The following TP53I3 variants were observed in gnomAD, a reference collection of about 807,000 sequenced individuals.
The protein encoded by TP53I3 is quinone oxidoreductase PIG3.
TP53I3 carries 32 observed loss-of-function variants against 27.7 expected under a neutral mutation model. That is an observed-to-expected ratio of 1.16 (90% CI 0.87 to 1.55). TP53I3 has a LOEUF of 1.55. Ranked by LOEUF, TP53I3 falls within the 40% of genes most tolerant of loss-of-function variation. The probability of loss-of-function intolerance (pLI) is 0.00; values close to 1 mark genes in which losing one functional copy is unlikely to be tolerated. For synonymous variants in TP53I3, 138 were observed against 167.8 expected (o/e 0.82, Z 1.37); for missense variants, 372 against 412.3 (o/e 0.90, Z 0.85).
At chr2:24,082,657 G>A (rs1313069500) in intron 2 of TP53I3, among the ~76,000 whole-genome samples, 2 of 152,088 alleles carry the variant, frequency 1.3e-5, no homozygotes, top group Non-Finnish European at 2.9e-5. Context: ...TGGGCGTCCG[G>A]TGTTAACATG....
At position 24,082,886 on chromosome 2, in the gene TP53I3, C is replaced by A; in HGVS notation, c.405G>T (p.Val135=). Reference sequence around the variant, plus strand: ...GAGTGAGCATGGAGGCCTCCTCACCCACAAGATGTAACAGCTGGAAGGCGG... The same window carrying A: ...GAGTGAGCATGGAGGCCTCCTCACCAACAAGATGTAACAGCTGGAAGGCGG... ...WLTAFQLLHL[V]GNVQAGDYVL... The change falls in exon 2 of 5, where the codon GTG becomes GTT. Residue 135 remains valine (V), a splice_region_variant and synonymous_variant. Coordinates refer to ENST00000238721, the MANE Select transcript of TP53I3 (RefSeq NM_004881.5). The A allele has an allele frequency of 6.2e-7, 1 of 1,602,570 alleles. No homozygotes were observed. Among genetic ancestry groups the A allele is most frequent in the South Asian group, 1.1e-5 (1 of 90,426 alleles).
chr2:24,078,581 A>AG, intron 4 of TP53I3, among the ~76,000 whole-genome samples: 1 of 152,254 alleles, frequency 6.6e-6, no homozygotes, highest in East Asian at 1.9e-4. Context: ...ATAGGAGCTA[A>AG]AGGGGGGTTA....
At chr2:24,078,426 G>A (rs1383157410) in intron 4 of TP53I3, among the ~76,000 whole-genome samples, 1 of 151,024 alleles carries the variant, frequency 6.6e-6, no homozygotes, top group South Asian at 2.1e-4. Flanking sequence ...TACCCAGGAG[G>A]CTGATTGTGC....
chr2:24,084,270 C>T lies in TP53I3; in HGVS notation c.57G>A (p.Glu19=). Reference sequence around the variant, plus strand: ...CCTCCCCCGGGCTCGGCTTGGCCACCTCCTTCACGTAGAGGTTTTCCGGTC... The same window carrying T: ...CCTCCCCCGGGCTCGGCTTGGCCACTTCCTTCACGTAGAGGTTTTCCGGTC... The part of the protein sequence containing the change: ...PGGPENLYVK[E]VAKPSPGEGE... Residue 19 remains glutamate, a synonymous_variant, in exon 1 of 5, where the codon GAG becomes GAA. Coordinates refer to ENST00000238721, the MANE Select transcript of TP53I3 (RefSeq NM_004881.5). This position sits in a 1 kb window ranked among gnomAD's most constrained non-coding sequence, Gnocchi z 8.4. 3 of 1,614,176 alleles carry T rather than the reference C, an allele frequency of 1.9e-6. No homozygotes were observed. Among genetic ancestry groups the T allele is most frequent in the Non-Finnish European group, 2.5e-6 (3 of 1,180,016 alleles).
rs371573889 is a variant in TP53I3, at chr2:24,083,000, C to T, written c.291G>A (p.Gln97=). The T allele has an allele frequency of 3.8e-5, 61 of 1,614,096 alleles. No homozygotes were observed. Among genetic ancestry groups the T allele is most frequent in the Non-Finnish European group, 5.0e-5 (59 of 1,180,026 alleles). Residue 97 remains glutamine (Q), a synonymous_variant, in exon 2 of 5, where the codon CAG becomes CAA. Coordinates refer to ENST00000238721, the MANE Select transcript of TP53I3 (RefSeq NM_004881.5). ...MALLPGGGQA[Q]YVTVPEGLLM... ...GGAGCCCTTCGGGGACAGTGACGTA[C>T]TGAGCCTGGCCCCCACCGGGGAGCA...
Position 24,084,395 on chromosome 2 carries a change from G to GC in TP53I3, c.-70dup, listed in dbSNP as rs1241177234. 29 of 1,488,346 alleles carry GC rather than the reference G, an allele frequency of 1.9e-5. No individual in the cohort carries two copies. Among genetic ancestry groups the GC allele is most frequent in the Non-Finnish European group, 2.6e-5 (29 of 1,103,506 alleles). The allele number at this position is 1,488,346 out of a possible 1,614,324, so 92.2% of individuals were successfully genotyped here. The stretch of plus-strand genomic sequence containing the variant: ...GCAGGGCAGGGCAGGACAGGACAGG[G>GC]CAGGGCAGGACAGGACAGGGCAGGG... On this transcript the variant is annotated 5_prime_UTR_variant, in exon 1 of 5. Transcript: ENST00000238721. The surrounding 1 kb of genome is among the most constrained non-coding windows in gnomAD (Gnocchi z 8.4).
In TP53I3 at chr2:24,084,402, AGGACAGGACAGGGCAGGGGCC is replaced by A; in HGVS notation, c.-97_-77del. 12 of 1,452,392 alleles carry A rather than the reference AGGACAGGACAGGGCAGGGGCC, an allele frequency of 8.3e-6. No homozygotes were observed. The highest frequency in any genetic ancestry group is 1.0e-5 in the Non-Finnish European group (11 of 1,088,754). 90.0% of individuals were successfully genotyped at this position (1,452,392 alleles called of 1,614,324 possible). A position where few individuals can be genotyped will look rare whatever the true frequency, so the allele number is the denominator to read the frequency against. On this transcript the variant is annotated 5_prime_UTR_variant, in exon 1 of 5. Transcript: ENST00000238721. This position sits in a 1 kb window ranked among gnomAD's most constrained non-coding sequence, Gnocchi z 8.4. The stretch of plus-strand genomic sequence containing the variant: ...AGGGCAGGACAGGACAGGGCAGGGC[AGGACAGGACAGGGCAGGGGCC>A]GCTGTATCCTCGCGGAGCAGCCCAG...
Position 24,082,964 on chromosome 2 carries a change from G to A in TP53I3, c.327C>T (p.Ile109=). The A allele has an allele frequency of 1.2e-6, 2 of 1,614,146 alleles. No homozygotes were observed. The highest frequency in any genetic ancestry group is 1.7e-6 in the Non-Finnish European group (2 of 1,180,024). ...CCTGGGTCAGGGTCAATCCCTCTGGGATAGGCATGAGGAGCCCTTCGGGGA... is the reference window on the plus strand; with the variant it reads ...CCTGGGTCAGGGTCAATCCCTCTGGAATAGGCATGAGGAGCCCTTCGGGGA... ...VTVPEGLLMP[I]PEGLTLTQAA... The change falls in exon 2 of 5, where the codon ATC becomes ATT. Residue 109 remains isoleucine, a synonymous_variant. Transcript: ENST00000238721.
intron 2 of TP53I3, among the ~76,000 whole-genome samples, chr2:24,082,449 G>A (rs1386139752): frequency 2.6e-5 from 4 of 152,172 alleles, no homozygotes; most frequent in Non-Finnish European, 5.9e-5. Context: ...ATGGTCATCT[G>A]ATCTTATGCA....
chr2:24,077,600 G>C lies in TP53I3; in HGVS notation c.978C>G (p.Ile326Met), dbSNP rs758258385. 2 of 1,608,382 alleles carry C rather than the reference G, an allele frequency of 1.2e-6. No homozygotes were observed. The highest frequency in any genetic ancestry group is 1.1e-5 in the South Asian group (1 of 90,948). The change falls in exon 5 of 5, where the codon ATC becomes ATG. Residue 326 changes from isoleucine (I) to methionine (M), a missense_variant. Transcript: ENST00000238721. This position sits in a 1 kb window ranked among gnomAD's most constrained non-coding sequence, Gnocchi z 5.5. ...TCCTTCACTGGGGCAGTTCCAGGACGATCTTGCCTATGTTCTTGTTGGCCT... is the reference window on the plus strand; with the variant it reads ...TCCTTCACTGGGGCAGTTCCAGGACCATCTTGCCTATGTTCTTGTTGGCCT... ...YMEANKNIGK[I>M]VLELPQ
intron 2 of TP53I3, among the ~76,000 whole-genome samples, chr2:24,082,438 T>C (rs996905219): frequency 1.3e-5 from 2 of 152,226 alleles, no homozygotes; most frequent in Admixed American, 6.5e-5. Context: ...TTCTAAACTC[T>C]ATGGTCATCT....
chr2:24,084,348 G>A lies in TP53I3; in HGVS notation c.-22C>T. On this transcript the variant is annotated 5_prime_UTR_variant, in exon 1 of 5. Transcript: ENST00000238721. This position sits in a 1 kb window ranked among gnomAD's most constrained non-coding sequence, Gnocchi z 8.4. ...ACATATTGTCTGAGGACACAGGGCA[G>A]GGCAGGGCAGGACAGGACAGGGCAG... The A allele has an allele frequency of 7.1e-7, 1 of 1,407,272 alleles. No individual in the cohort carries two copies. Among genetic ancestry groups the A allele is most frequent in the Admixed American group, 1.8e-5 (1 of 55,434 alleles). 87.2% of individuals were successfully genotyped at this position (1,407,272 alleles called of 1,614,324 possible). A position where few individuals can be genotyped will look rare whatever the true frequency, so the allele number is the denominator to read the frequency against.
intron 1 of TP53I3, 85 bp from the exon 2 acceptor site, chr2:24,083,237 CTT>C (rs71395187): frequency 1.5e-6 from 2 of 1,316,750 alleles, no homozygotes; most frequent in East Asian, 2.7e-5. Context: ...AAGATCCCCT[CTT>C]TTTTTTTTCA....
In TP53I3 at chr2:24,080,510, C is replaced by A. The variant is rs187538741; in HGVS notation, c.619+309G>T. On this transcript the variant is annotated intron_variant, in intron 3 of 4. Transcript: ENST00000238721. The surrounding 1 kb of genome is among the most constrained non-coding windows in gnomAD (Gnocchi z 4.7). ...CAAACTGGTCTCTGCCTCCAAGCCTCCTGTTAACTAAGTGTGGAATGGCTG... is the reference window on the plus strand; with the variant it reads ...CAAACTGGTCTCTGCCTCCAAGCCTACTGTTAACTAAGTGTGGAATGGCTG... 4.6e-5 allele frequency among the ~76,000 whole-genome samples: 7 copies of A among 152,302 alleles called. No individual in the cohort carries two copies. The highest frequency in any genetic ancestry group is 1.7e-4 in the African/African-American group (7 of 41,562).
intron 2 of TP53I3, among the ~76,000 whole-genome samples, chr2:24,081,491 C>A (rs1665000203): frequency 6.6e-6 from 1 of 152,156 alleles, no homozygotes; most frequent in Non-Finnish European, 1.5e-5. Context: ...ACACAGCCAC[C>A]AGGCTCCTCT....
intron 2 of TP53I3, among the ~76,000 whole-genome samples, chr2:24,081,706 T>C (rs78580175): frequency 7.1e-6 from 1 of 141,522 alleles, no homozygotes; most frequent in African/African-American, 2.6e-5. Flanking sequence ...TTTTTTTTTT[T>C]GAGACGGAGT....
chr2:24,083,237 CT>C (rs71395187), intron 1 of TP53I3, 85 bp from the exon 2 acceptor site: 781 of 1,312,114 alleles, frequency 6.0e-4, no homozygotes, highest in Admixed American at 1.2e-3. Context: ...AAGATCCCCT[CT>C]TTTTTTTTTC....
At position 24,079,443 on chromosome 2, in the gene TP53I3, C is replaced by T; in HGVS notation, c.816+1G>A. ...ATGTTTTCTTTTCATTCATCACTCACCTTATTGTCCCTAGACCTCAGCAAA... is the reference window on the plus strand; with the variant it reads ...ATGTTTTCTTTTCATTCATCACTCATCTTATTGTCCCTAGACCTCAGCAAA... On this transcript the variant is annotated splice_donor_variant, in intron 4 of 4. Transcript: ENST00000238721. LOFTEE classifies it high-confidence loss of function. 1 of 1,613,974 alleles carries T rather than the reference C, an allele frequency of 6.2e-7. No homozygotes were observed. Among genetic ancestry groups the T allele is most frequent in the Non-Finnish European group, 8.5e-7 (1 of 1,179,938 alleles).
At position 24,077,853 on chromosome 2, in the gene TP53I3, A is replaced by C; in HGVS notation, c.817-92T>G. The C allele has an allele frequency of 1.4e-6, 2 of 1,426,958 alleles. No homozygotes were observed. The highest frequency in any genetic ancestry group is 1.9e-6 in the Non-Finnish European group (2 of 1,052,206). 88.4% of individuals were successfully genotyped at this position (1,426,958 alleles called of 1,614,324 possible). A position where few individuals can be genotyped will look rare whatever the true frequency, so the allele number is the denominator to read the frequency against. ...CAGCCTTCTTGCTCTCTCTGAAGCC[A>C]CGTATCTGAAAAAGCACACAGGGAC... On this transcript the variant is annotated intron_variant, in intron 4 of 4. Transcript: ENST00000238721. The surrounding 1 kb of genome is among the most constrained non-coding windows in gnomAD (Gnocchi z 5.5).
Sources: allele counts gnomAD v4.1 joint callset (sites outside exome capture counted in the v4.1 genomes callset), GRCh38; gene constraint gnomAD v4.1.1; non-coding constraint Gnocchi (gnomAD v3.1); transcripts MANE v1.5; gene names NCBI Gene and HGNC (gene_info 2026-07-23, HGNC 2026-07-21).